The following AFM variants were observed in gnomAD, a reference collection of about 807,000 sequenced individuals.
AFM encodes the protein alpha-Alb.
In AFM, 82 loss-of-function variants were observed where a neutral mutation model predicts 68.7. That is an observed-to-expected ratio of 1.19 (90% CI 1.00 to 1.43). The LOEUF is 1.43. Ranked by LOEUF, AFM falls within the 40% of genes most tolerant of loss-of-function variation. The pLI, the probability that AFM is intolerant of heterozygous loss-of-function variation, is 0.00. For synonymous variants in AFM, 250 were observed against 234.2 expected, an observed-to-expected ratio of 1.07 and a Z score of -0.61; for missense variants, 772 against 701.8, an observed-to-expected ratio of 1.10 and a Z score of -1.13.
chr4:73,491,895 T>C lies in AFM; in HGVS notation c.867T>C (p.Cys289=). The change falls in exon 8 of 15, where the codon TGT becomes TGC. Residue 289 remains cysteine (C), a synonymous_variant. Coordinates refer to ENST00000226355, the MANE Select transcript of AFM (RefSeq NM_001133.2). The part of the protein sequence containing the change: ...RDTSKVMNHI[C]SKQDSISSKI... Reference sequence around the variant, plus strand: ...AGAGCAAGGTTATGAACCATATTTGTTCAAAACAAGATTCTATCTCCAGCA... The same window carrying C: ...AGAGCAAGGTTATGAACCATATTTGCTCAAAACAAGATTCTATCTCCAGCA... 1 of 1,613,702 alleles carries C rather than the reference T, an allele frequency of 6.2e-7. No individual in the cohort carries two copies. The highest frequency in any genetic ancestry group is 8.5e-7 in the Non-Finnish European group (1 of 1,179,812).
At chr4:73,484,417 C>G in intron 3 of AFM, 27 bp downstream of exon 3, 2 of 1,461,448 alleles carry the variant, frequency 1.4e-6, no homozygotes, top group South Asian at 1.6e-5. Flanking sequence ...TGTTTCTTTT[C>G]CTTTTATCTT....
chr4:73,498,545 G>T (rs1331319555), intron 10 of AFM, among the ~76,000 whole-genome samples: 2 of 152,124 alleles, frequency 1.3e-5, no homozygotes, highest in Non-Finnish European at 2.9e-5. Context: ...TTCGGACTTT[G>T]CTGGGATTAC....
At chr4:73,483,048 T>A (rs549625958) in intron 1 of AFM, among the ~76,000 whole-genome samples, 1 of 152,292 alleles carries the variant, frequency 6.6e-6, no homozygotes, top group South Asian at 2.1e-4. Context: ...CACTTTCTCA[T>A]CAAAATAGAT....
Position 73,488,645 on chromosome 4 carries a change from C to G in AFM, c.729C>G (p.Leu243=). 6.2e-7 allele frequency: 1 copy of G among 1,610,466 alleles called. No homozygotes were observed. Among genetic ancestry groups the G allele is most frequent in the Non-Finnish European group, 8.5e-7 (1 of 1,178,634 alleles). The change falls in exon 7 of 15, where the codon CTC becomes CTG. Residue 243 remains leucine, a synonymous_variant. Coordinates refer to ENST00000226355, the MANE Select transcript of AFM (RefSeq NM_001133.2). ...CTCTTTCCAGATATATTGCGATACT[C>G]AGTCAAAAATTCCCCAAGATTGAAT... ...KVVHFIYIAI[L]SQKFPKIEFK... is the part of the protein sequence containing the mutation.
In AFM at chr4:73,495,427, T is replaced by TA. The variant is rs1358204689; in HGVS notation, c.1187dup (p.Tyr396Ter). 2.5e-6 allele frequency: 4 copies of TA among 1,609,216 alleles called. No homozygotes were observed. In the African/African-American group the frequency reaches 5.4e-5, roughly 22 times the overall value. The change falls in exon 9 of 15, where the codon TAC becomes TAAC. Residue 396 changes from tyrosine to a stop codon, truncating the protein, a stop_gained and frameshift_variant. Transcript: ENST00000226355. LOFTEE classifies it high-confidence loss of function. ...NTENPPGCYR[Y>*]AEDKFNETTE... Reference sequence around the variant, plus strand: ...AGAAAACCCTCCAGGTTGTTACCGTTACGCGGTAGGTTCCATTGTTGTAGG... The same window carrying TA: ...AGAAAACCCTCCAGGTTGTTACCGTTAACGCGGTAGGTTCCATTGTTGTAGG...
chr4:73,484,779 C>G (rs1449804882), intron 3 of AFM, among the ~76,000 whole-genome samples: 1 of 152,176 alleles, frequency 6.6e-6, no homozygotes, highest in East Asian at 1.9e-4. Context: ...CCAAGTGATC[C>G]TCCCAACTTG....
At chr4:73,490,827 T>C (rs950761777) in intron 7 of AFM, among the ~76,000 whole-genome samples, 2 of 152,176 alleles carry the variant, frequency 1.3e-5, no homozygotes, top group Non-Finnish European at 2.9e-5. Flanking sequence ...TAAGAGATGC[T>C]CTGCCTAGAA....
At chr4:73,492,182 T>C in intron 8 of AFM, 96 bp downstream of exon 8, 1 of 1,052,374 alleles carries the variant, frequency 9.5e-7, no homozygotes, top group Non-Finnish European at 1.4e-6. Context: ...CATGGTACCG[T>C]TTATTTCACT....
At chr4:73,499,276 T>C (rs1577981176) in intron 11 of AFM, 30 bp downstream of exon 11, 2 of 178,048 alleles carry the variant, frequency 1.1e-5, no homozygotes, top group East Asian at 2.3e-4. Flanking sequence ...CAGACTACTC[T>C]TTTTTTTTTT....
chr4:73,484,194 T>A (rs776435043), intron 2 of AFM, 64 bp from the exon 3 acceptor site: 211 of 1,528,100 alleles, frequency 1.4e-4, no homozygotes, highest in Non-Finnish European at 1.7e-4. Context: ...TCCTGTGACT[T>A]TTTCTTGACC....
At chr4:73,499,350 T>C in intron 11 of AFM, 104 bp downstream of exon 11, 1 of 1,177,688 alleles carries the variant, frequency 8.5e-7, no homozygotes, top group Admixed American at 3.8e-5. Context: ...CTTTCTTCAC[T>C]GTTTTAATAT....
In AFM at chr4:73,486,935, C is replaced by A. The variant is rs190352125; in HGVS notation, c.483-32C>A. On this transcript the variant is annotated intron_variant, in intron 4 of 14. Transcript: ENST00000226355. ...ATTGCTTCCTGTTTCTTCCCTCACC[C>A]GTCTTCTCTCTTTCATTTTTATTTT... The A allele has an allele frequency of 3.1e-6, 5 of 1,599,624 alleles. No homozygotes were observed. The Admixed American group carries it at 6.7e-5, about 21-fold the overall frequency.
At chr4:73,485,635 AGAG>A (rs1222267004) in intron 3 of AFM, among the ~76,000 whole-genome samples, 68 of 144,928 alleles carry the variant, frequency 4.7e-4, no homozygotes, top group Admixed American at 1.7e-3. Context: ...AAGAAAAAGA[AGAG>A]GAAGAAGAAG....
intron 8 of AFM, among the ~76,000 whole-genome samples, chr4:73,494,075 G>GTGTGTGTGTGTGTGTGTGTT (rs1721179269): frequency 6.6e-6 from 1 of 151,686 alleles, no homozygotes; most frequent in Non-Finnish European, 1.5e-5. Context: ...GTGTGTGTGT[G>GTGTGTGTGTGTGTGTGTGTT]TGTGTGTGTG....
At position 73,483,209 on chromosome 4, in the gene AFM, C is replaced by CT. The variant is rs558305644; in HGVS notation, c.89-724dup. On this transcript the variant is annotated intron_variant, in intron 1 of 14. Coordinates refer to ENST00000226355, the MANE Select transcript of AFM (RefSeq NM_001133.2). Reference sequence around the variant, plus strand: ...CTCATATCTCACTCCTCCTATAATCCTTTTTTTTCTTTCTTTCTCACCCAG... The same window carrying CT: ...CTCATATCTCACTCCTCCTATAATCCTTTTTTTTTCTTTCTTTCTCACCCAG... Among the ~76,000 whole-genome samples the CT allele has an allele frequency of 5.7e-4, 87 of 152,084 alleles. 1 individual carries two copies. The East Asian group carries it at 7.3e-3, about 13-fold the overall frequency.
At chr4:73,482,484 C>A (rs184301714) in intron 1 of AFM, among the ~76,000 whole-genome samples, 1 of 152,312 alleles carries the variant, frequency 6.6e-6, no homozygotes, top group East Asian at 1.9e-4. Flanking sequence ...GTGCCCTAAG[C>A]ATGGCAGTGG....
intron 12 of AFM, among the ~76,000 whole-genome samples, chr4:73,501,565 T>C (rs1721423230): frequency 6.6e-6 from 1 of 152,118 alleles, no homozygotes; most frequent in Non-Finnish European, 1.5e-5. Flanking sequence ...ACTTTTTGTA[T>C]AATTTTGTGT....
intron 3 of AFM, 84 bp downstream of exon 3, chr4:73,484,474 C>A (rs1720819693): frequency 1.7e-6 from 1 of 585,052 alleles, no homozygotes; most frequent in South Asian, 4.2e-5. Context: ...TTCTTTCTTT[C>A]TTTCTTTCTT....
chr4:73,497,206 C>G (rs571194325), intron 9 of AFM, among the ~76,000 whole-genome samples: 2 of 152,040 alleles, frequency 1.3e-5, no homozygotes, highest in African/African-American at 4.8e-5. Flanking sequence ...ATGAAAAAAT[C>G]AAAAAGAGCA....
Sources: allele counts gnomAD v4.1 joint callset (sites outside exome capture counted in the v4.1 genomes callset), GRCh38; gene constraint gnomAD v4.1.1; transcripts MANE v1.5; gene names NCBI Gene and HGNC (gene_info 2026-07-23, HGNC 2026-07-21).